VPS8: variants seen among roughly 807,000 people sequenced by gnomAD.
VPS8 encodes vacuolar protein sorting-associated protein 8 homolog.
In VPS8, 129 loss-of-function variants were observed where a neutral mutation model predicts 216.4. The observed-to-expected ratio is 0.60, with a 90% CI of 0.52 to 0.69. The LOEUF is 0.69. Ranked by LOEUF, VPS8 falls within the 30% of genes least tolerant of loss-of-function variation. The pLI is 0.00. For missense variants in VPS8, 1,531 were observed against 1,683.5 expected, an observed-to-expected ratio of 0.91 and a Z score of 1.59; for synonymous variants, 571 against 565.4, an observed-to-expected ratio of 1.01 and a Z score of -0.14.
chr3:184,921,992 C>G (rs1738713545), intron 29 of VPS8, among the ~76,000 whole-genome samples: 1 of 152,150 alleles, frequency 6.6e-6, no homozygotes, highest in African/African-American at 2.4e-5. Flanking sequence ...CTGACTAGGT[C>G]TCTATAACTG....
chr3:185,005,215 T>A (rs1754078637), intron 45 of VPS8, among the ~76,000 whole-genome samples: 1 of 152,218 alleles, frequency 6.6e-6, no homozygotes, highest in African/African-American at 2.4e-5. Context: ...GTTTCTCTGC[T>A]CTGTTCCATT....
At chr3:184,875,976 C>A (rs1413864053) in intron 21 of VPS8, among the ~76,000 whole-genome samples, 2 of 151,066 alleles carry the variant, frequency 1.3e-5, no homozygotes, top group African/African-American at 4.9e-5. Context: ...GGTGACAGAG[C>A]AAGACCCTGT....
At chr3:184,824,496 T>G in intron 1 of VPS8, 49 bp from the exon 2 acceptor site, 1 of 914,876 alleles carries the variant, frequency 1.1e-6, no homozygotes. Flanking sequence ...GGAGGAAATC[T>G]AAATGATAGT....
intron 17 of VPS8, among the ~76,000 whole-genome samples, 163 bp from the exon 18 acceptor site, chr3:184,867,861 G>A (rs1263343577): frequency 3.3e-5 from 5 of 152,084 alleles, no homozygotes; most frequent in African/African-American, 4.8e-5. Context: ...AAAGAAAAGC[G>A]TTCTTGAAGA....
intron 3 of VPS8, among the ~76,000 whole-genome samples, chr3:184,827,059 C>A (rs1275918496): frequency 6.6e-6 from 1 of 152,138 alleles, no homozygotes; most frequent in Non-Finnish European, 1.5e-5. Flanking sequence ...AAAGATCTTG[C>A]AATGTATAAA....
chr3:184,899,485 T>G (rs182737452), intron 24 of VPS8, among the ~76,000 whole-genome samples: 31 of 152,338 alleles, frequency 2.0e-4, no homozygotes, highest in African/African-American at 7.2e-4. Flanking sequence ...TTCATAACCC[T>G]TCAGTTTTGG....
chr3:185,028,350 A>G (rs1432903333), intron 46 of VPS8, among the ~76,000 whole-genome samples: 1 of 152,338 alleles, frequency 6.6e-6, no homozygotes, highest in Non-Finnish European at 1.5e-5. Flanking sequence ...AACAAGGGAA[A>G]TGGTAACCTA....
chr3:184,920,306 A>G (rs62286959), intron 29 of VPS8, 108 bp downstream of exon 29: 37,267 of 706,394 alleles, frequency 0.053, 1,176 homozygotes, highest in Non-Finnish European at 0.063. Flanking sequence ...TCTTGGAATC[A>G]TATCGTAAAA....
intron 45 of VPS8, among the ~76,000 whole-genome samples, chr3:185,010,671 A>G (rs1018762552): frequency 1.3e-5 from 2 of 152,138 alleles, no homozygotes; most frequent in African/African-American, 4.8e-5. Flanking sequence ...CAATATAGCA[A>G]TAAAAACTAT....
Position 184,883,027 on chromosome 3 carries a change from C to T in VPS8, c.1735-3083C>T, listed in dbSNP as rs563462510. ...CCAATTATATCCAAATTGCTAAACGCAATAAATATTTTTCAGATCTTGTTC... is the reference window on the plus strand; with the variant it reads ...CCAATTATATCCAAATTGCTAAACGTAATAAATATTTTTCAGATCTTGTTC... On this transcript the variant is annotated intron_variant, in intron 21 of 47. Coordinates refer to ENST00000625842, the MANE Select transcript of VPS8 (RefSeq NM_001009921.3). Among the ~76,000 whole-genome samples, 6 of 152,242 alleles carry T rather than the reference C, an allele frequency of 3.9e-5. No individual in the cohort carries two copies. In the South Asian group the frequency reaches 1.0e-3, roughly 26 times the overall value.
chr3:184,822,165 CAG>C lies in VPS8; in HGVS notation c.-88-2379_-88-2378del, dbSNP rs59008130. Among the ~76,000 whole-genome samples the C allele has an allele frequency of 6.6e-3, 995 of 151,734 alleles. 4 individuals carry two copies. The highest frequency in any genetic ancestry group is 0.022 in the African/African-American group (924 of 41,336). ...TTATTTATTTTATTTTTTGGGGGGT[CAG>C]GGGTGGGGAGAAGTGATTATTTCCT... On this transcript the variant is annotated intron_variant, in intron 1 of 47. Coordinates refer to ENST00000625842, the MANE Select transcript of VPS8 (RefSeq NM_001009921.3).
chr3:184,964,597 A>G (rs1747079287), intron 38 of VPS8, 40 bp downstream of exon 38: 8 of 1,270,198 alleles, frequency 6.3e-6, no homozygotes, highest in Non-Finnish European at 8.6e-6. Flanking sequence ...ATTTCTGTCT[A>G]TTCCTCTATT....
rs527858109 is a variant in VPS8, at chr3:184,957,491, T to G, written c.3153T>G (p.Leu1051=). The change falls in exon 37 of 48, where the codon CTT becomes CTG. Residue 1051 remains leucine, a synonymous_variant. Coordinates refer to ENST00000625842, the MANE Select transcript of VPS8 (RefSeq NM_001009921.3). ...AAGTTATAGAGACTCTGCAAGTCCTTGAGTGCTACCGTCTGGAAGAAACTA... is the reference window on the plus strand; with the variant it reads ...AAGTTATAGAGACTCTGCAAGTCCTGGAGTGCTACCGTCTGGAAGAAACTA... ...PTQVIETLQV[L]ECYRLEETIQ... 19 of 1,612,146 alleles carry G rather than the reference T, an allele frequency of 1.2e-5. No homozygotes were observed. The East Asian group carries it at 4.0e-4, about 34-fold the overall frequency.
At chr3:185,025,130 G>T (rs9855423) in intron 46 of VPS8, among the ~76,000 whole-genome samples, 2,587 of 152,280 alleles carry the variant, frequency 0.017, 75 homozygotes, top group African/African-American at 0.059. Flanking sequence ...GAGCTCTCAT[G>T]TGTGCTACTT....
Position 184,915,374 on chromosome 3 carries a change from G to A in VPS8, c.2282G>A (p.Arg761His), listed in dbSNP as rs771742434. The A allele has an allele frequency of 4.3e-5, 70 of 1,612,622 alleles. No homozygotes were observed. Among genetic ancestry groups the A allele is most frequent in the Middle Eastern group, 3.3e-4 (2 of 6,006 alleles). ...VKNQVFEFLI[R>H]LHSAEASPEE... is the part of the protein sequence containing the mutation. Reference sequence around the variant, plus strand: ...TTGCAGGTTTTTGAATTTCTAATTCGCCTGCATTCAGCAGAGGCTTCTCCT... The same window carrying A: ...TTGCAGGTTTTTGAATTTCTAATTCACCTGCATTCAGCAGAGGCTTCTCCT... Residue 761 changes from arginine to histidine, a missense_variant, in exon 28 of 48, where the codon CGC (arginine) becomes CAC (histidine). Coordinates refer to ENST00000625842, the MANE Select transcript of VPS8 (RefSeq NM_001009921.3).
chr3:184,930,401 T>G, intron 33 of VPS8, 69 bp from the exon 34 acceptor site: 1 of 1,062,962 alleles, frequency 9.4e-7, no homozygotes, highest in South Asian at 1.4e-5. Context: ...TTACCAAGAC[T>G]GGTTCAGTTG....
intron 9 of VPS8, 36 bp from the exon 10 acceptor site, chr3:184,849,900 A>G (rs1553835760): frequency 1.9e-6 from 3 of 1,541,622 alleles, no homozygotes; most frequent in Non-Finnish European, 2.7e-6. Flanking sequence ...AAAAAGAGCA[A>G]TAAATTTGTT....
At chr3:184,884,075 G>A (rs901793274) in intron 21 of VPS8, among the ~76,000 whole-genome samples, 4 of 151,934 alleles carry the variant, frequency 2.6e-5, no homozygotes, top group Non-Finnish European at 5.9e-5. Context: ...CCTTTTTCAG[G>A]ATCACTTTTT....
chr3:184,895,171 C>G (rs768511375), intron 23 of VPS8, among the ~76,000 whole-genome samples: 2 of 152,106 alleles, frequency 1.3e-5, no homozygotes, highest in Non-Finnish European at 2.9e-5. Context: ...TTTCACATCC[C>G]CAGTAGCACT....
Sources: allele counts gnomAD v4.1 joint callset (sites outside exome capture counted in the v4.1 genomes callset), GRCh38; gene constraint gnomAD v4.1.1; transcripts MANE v1.5; gene names NCBI Gene and HGNC (gene_info 2026-07-23, HGNC 2026-07-21).